The following P2RY12 variants were observed in gnomAD, a reference collection of about 807,000 sequenced individuals.
The protein encoded by P2RY12 is P2Y purinoceptor 12.
Under a neutral mutation model 4.5 loss-of-function variants are expected in P2RY12, and 3 were observed. The ratio of observed to expected loss-of-function variants is 0.67; its 90% CI spans 0.31 to 1.74. The LOEUF (loss-of-function observed/expected upper bound fraction) is 1.74. P2RY12 is among the 40% of genes most tolerant of loss of function. The pLI, the probability that P2RY12 is intolerant of heterozygous loss-of-function variation, is 0.09. For synonymous variants in P2RY12, 148 were observed against 154.1 expected, an observed-to-expected ratio of 0.96 and a Z score of 0.29; for missense variants, 356 against 407.8, an observed-to-expected ratio of 0.87 and a Z score of 1.09.
Position 151,376,254 on chromosome 3 carries a change from T to C in P2RY12, c.-180+8438A>G, listed in dbSNP as rs774967617. On this transcript the variant is annotated intron_variant, in intron 1 of 2. Transcript: ENST00000302632. ...GATTGTGTTTCTGTCATTTGATAAA[T>C]TCTTCGTAATAATAAAAAGAGTTAC... 8 of 1,335,014 alleles carry C rather than the reference T, an allele frequency of 6.0e-6. No homozygotes were observed. In the South Asian group the frequency reaches 1.8e-4, roughly 31 times the overall value. 82.7% of individuals were successfully genotyped at this position (1,335,014 alleles called of 1,614,324 possible).
rs531917302 is a variant in P2RY12 at position 151,352,535 on chromosome 3, A to G, written c.-179-11775T>C. Among the ~76,000 whole-genome samples the G allele has an allele frequency of 1.2e-4, 19 of 152,338 alleles. No individual in the cohort carries two copies. The South Asian group carries it at 3.7e-3, about 30-fold the overall frequency. On this transcript the variant is annotated intron_variant, in intron 1 of 2. Transcript: ENST00000302632. Reference sequence around the variant, plus strand: ...CTAACTGTACTTCATATTAATGGAAATATGCCCACTTTTTTCAGCAACATG... The same window carrying G: ...CTAACTGTACTTCATATTAATGGAAGTATGCCCACTTTTTTCAGCAACATG...
In P2RY12 at chr3:151,338,578, C is replaced by T. The variant is rs1560046688; in HGVS notation, c.268G>A (p.Gly90Arg). The T allele has an allele frequency of 6.2e-7, 1 of 1,613,906 alleles. No individual in the cohort carries two copies. ...TGACACACAAAAGTTCTCAGTGGTC[C>T]TGTTCCCAGTTTGGCATCACTAAGA... ...KILSDAKLGT[G>R]PLRTFVCQVT... is the part of the protein sequence containing the mutation. Residue 90 changes from glycine (G) to arginine (R), a missense_variant, in exon 3 of 3, where the codon GGA becomes AGA. Physicochemically the swap from Gly to Arg is moderately radical, Grantham distance 125 (BLOSUM62 -2). Coordinates refer to ENST00000302632, the MANE Select transcript of P2RY12 (RefSeq NM_022788.5).
rs141691317 is a variant in P2RY12 at position 151,382,705 on chromosome 3, G to A, written c.-180+1987C>T. The A allele has an allele frequency of 3.4e-5, 55 of 1,611,972 alleles. No individual in the cohort carries two copies. The highest frequency in any genetic ancestry group is 4.3e-5 in the Non-Finnish European group (51 of 1,179,066). On this transcript the variant is annotated intron_variant, in intron 1 of 2. Coordinates refer to ENST00000302632, the MANE Select transcript of P2RY12 (RefSeq NM_022788.5). The stretch of plus-strand genomic sequence containing the variant: ...CGATACCAAGATGACATAAAAGCGC[G>A]GCAGATGATGCACGAAGCATTGCAA...
intron 1 of P2RY12, among the ~76,000 whole-genome samples, chr3:151,368,689 T>TATTTTATTTC: frequency 2.4e-5 from 1 of 42,008 alleles, no homozygotes; most frequent in Non-Finnish European, 4.4e-5. Context: ...CATTTCATTT[T>TATTTTATTTC]ATTTCATTTC....
At chr3:151,352,518 A>G (rs1190910771) in intron 1 of P2RY12, among the ~76,000 whole-genome samples, 1 of 152,238 alleles carries the variant, frequency 6.6e-6, no homozygotes, top group Non-Finnish European at 1.5e-5. Context: ...AGCTAACTGT[A>G]CTTCATATTA....
intron 1 of P2RY12, chr3:151,355,984 T>G: frequency 6.2e-7 from 1 of 1,614,154 alleles, no homozygotes; most frequent in Non-Finnish European, 8.5e-7. Flanking sequence ...CAGCTCATCT[T>G]TGATCTCATG....
At chr3:151,375,879 T>G (rs553739672) in intron 1 of P2RY12, 1 of 471,790 alleles carries the variant, frequency 2.1e-6, no homozygotes, top group African/African-American at 2.0e-5. Context: ...TTTTTAAAAT[T>G]TTTCTACCTA....
chr3:151,368,365 C>G (rs1755543789), intron 1 of P2RY12: 3 of 834,008 alleles, frequency 3.6e-6, no homozygotes, highest in Admixed American at 4.1e-5. Context: ...TGGGCATGCC[C>G]TGGGGGTGAT....
rs199531209 is a variant in P2RY12, at chr3:151,368,248, A to G, written c.-180+16444T>C. On this transcript the variant is annotated intron_variant, in intron 1 of 2. Coordinates refer to ENST00000302632, the MANE Select transcript of P2RY12 (RefSeq NM_022788.5). ...CCAGGCCTGCTTCTTACCTCAAGCA[A>G]CGGGTGAGCTGACTGCAGAAAAATC... 7.4e-6 allele frequency: 12 copies of G among 1,613,364 alleles called. No individual in the cohort carries two copies. The highest frequency in any genetic ancestry group is 2.7e-5 in the African/African-American group (2 of 75,008).
Position 151,337,846 on chromosome 3 carries a change from C to G in P2RY12, c.1000G>C (p.Gly334Arg). 6.2e-7 allele frequency: 1 copy of G among 1,614,042 alleles called. No homozygotes were observed. Among genetic ancestry groups the G allele is most frequent in the Non-Finnish European group, 8.5e-7 (1 of 1,179,964 alleles). The change falls in exon 3 of 3, where the codon GGT (glycine) becomes CGT (arginine). Residue 334 changes from glycine (G) to arginine (R), a missense_variant. Gly to Arg is a moderately radical substitution (Grantham distance 125, BLOSUM62 -2). Transcript: ENST00000302632. ...QDNRKKEQDGGDPNEETPM is the reference protein window; with the variant it reads ...QDNRKKEQDGRDPNEETPM ...ATTGGAGTCTCTTCATTTGGGTCAC[C>G]ACCATCCTGTTCTTTTTTCCTATTG...
At chr3:151,367,320 A>C (rs1293591056) in intron 1 of P2RY12, among the ~76,000 whole-genome samples, 1 of 152,132 alleles carries the variant, frequency 6.6e-6, no homozygotes, top group Admixed American at 6.5e-5. Context: ...ATCTTGTTGC[A>C]GTCTGCCAAA....
intron 1 of P2RY12, among the ~76,000 whole-genome samples, chr3:151,344,985 T>C (rs1752351815): frequency 6.6e-6 from 1 of 152,218 alleles, no homozygotes; most frequent in Non-Finnish European, 1.5e-5. Context: ...CCTCAATTCC[T>C]TTAACTCCAT....
chr3:151,381,228 G>A (rs144139983), intron 1 of P2RY12, among the ~76,000 whole-genome samples: 5 of 152,038 alleles, frequency 3.3e-5, no homozygotes, highest in South Asian at 2.1e-4. Context: ...TCTTTCCCTC[G>A]AATGGTACTA....
Position 151,358,918 on chromosome 3 carries a change from T to C in P2RY12, c.-179-18158A>G, listed in dbSNP as rs1229531401. On this transcript the variant is annotated intron_variant, in intron 1 of 2. Coordinates refer to ENST00000302632, the MANE Select transcript of P2RY12 (RefSeq NM_022788.5). The stretch of plus-strand genomic sequence containing the variant: ...AGTCACAAAATAATTTTTCGCTTTA[T>C]AGATAATATCAGGATTTTGTTTAAC... Among the ~76,000 whole-genome samples, 8 of 152,330 alleles carry C rather than the reference T, an allele frequency of 5.3e-5. No homozygotes were observed. The East Asian group carries it at 1.5e-3, about 29-fold the overall frequency.
intron 1 of P2RY12, among the ~76,000 whole-genome samples, chr3:151,349,851 A>G (rs1030849079): frequency 7.5e-6 from 1 of 133,942 alleles, no homozygotes; most frequent in African/African-American, 2.7e-5. Flanking sequence ...GTCAGTTGAC[A>G]CTTTTTTTTT....
At chr3:151,375,416 T>C (rs1489335131) in intron 1 of P2RY12, among the ~76,000 whole-genome samples, 3 of 152,156 alleles carry the variant, frequency 2.0e-5, no homozygotes, top group Non-Finnish European at 4.4e-5. Flanking sequence ...GGAGTTTAAA[T>C]TGGTAGAAAC....
chr3:151,366,129 C>T, intron 1 of P2RY12: 1 of 663,768 alleles, frequency 1.5e-6, no homozygotes, highest in Non-Finnish European at 2.2e-6. Context: ...TGTCCAAAAG[C>T]AGTAAACCAC....
intron 1 of P2RY12, chr3:151,383,960 A>G (rs1712872860): frequency 6.7e-7 from 1 of 1,485,164 alleles, no homozygotes; most frequent in East Asian, 2.3e-5. Flanking sequence ...ACTGATGGCG[A>G]TTTCTGCCAC....
At chr3:151,357,208 T>TA (rs1232103104) in intron 1 of P2RY12, 14 of 1,589,508 alleles carry the variant, frequency 8.8e-6, no homozygotes, top group African/African-American at 1.4e-5. Context: ...TTTCTCCTGT[T>TA]ACAGTTACTA....
Sources: gnomAD v4.1 joint callset for allele counts (sites outside exome capture counted in the v4.1 genomes callset) on GRCh38, gnomAD v4.1.1 for gene constraint, MANE v1.5 for transcripts, NCBI Gene and HGNC (gene_info 2026-07-23, HGNC 2026-07-21) for gene names.